The following MPHOSPH6 variants were observed in gnomAD, a reference collection of about 807,000 sequenced individuals.
MPHOSPH6 encodes M-phase phosphoprotein 6.
In MPHOSPH6, 25 loss-of-function variants were observed where a neutral mutation model predicts 21.8. The observed-to-expected ratio is 1.15, with a 90% CI of 0.83 to 1.60. The LOEUF is 1.60. MPHOSPH6 is among the 40% of genes most tolerant of loss of function. The pLI is 0.00. For synonymous variants in MPHOSPH6, 84 were observed against 56.5 expected (o/e 1.49, Z -2.18); for missense variants, 269 against 181.8 (o/e 1.48, Z -2.76).
intron 2 of MPHOSPH6, among the ~76,000 whole-genome samples, chr16:82,153,036 A>G (rs1203400753): frequency 1.3e-5 from 2 of 152,192 alleles, no homozygotes; most frequent in African/African-American, 4.8e-5. Context: ...CTGAGGCAGG[A>G]GAACTGCTCG....
In MPHOSPH6 at chr16:82,163,884, G is replaced by A. The variant is rs1033611095; in HGVS notation, c.164+198C>T. ...TGTAAAAAAGGACAAAATAGTGGCT[G>A]GGAGGGGGAGTAGTAAAAATGTATA... On this transcript the variant is annotated intron_variant, in intron 2 of 4. Coordinates refer to ENST00000258169, the MANE Select transcript of MPHOSPH6 (RefSeq NM_005792.2). 41 of 486,852 alleles carry A rather than the reference G, an allele frequency of 8.4e-5. 1 individual carries two copies. Among genetic ancestry groups the A allele is most frequent in the African/African-American group, 7.7e-4 (37 of 48,062 alleles). The allele number at this position is 486,852 out of a possible 1,614,324, so 30.2% of individuals were successfully genotyped here. A position where few individuals can be genotyped will look rare whatever the true frequency, so the allele number is the denominator to read the frequency against.
At chr16:82,157,907 G>C (rs1906480198) in intron 2 of MPHOSPH6, among the ~76,000 whole-genome samples, 1 of 152,210 alleles carries the variant, frequency 6.6e-6, no homozygotes, top group African/African-American at 2.4e-5. Flanking sequence ...CAGGAGGTCA[G>C]AGTTACTTGC....
intron 1 of MPHOSPH6, among the ~76,000 whole-genome samples, chr16:82,169,646 T>C (rs993788870): frequency 1.3e-5 from 2 of 152,212 alleles, no homozygotes; most frequent in East Asian, 3.8e-4. Context: ...AGAAGTATTA[T>C]CAAAATTAAA....
At chr16:82,167,835 T>C (rs1400247901) in intron 1 of MPHOSPH6, among the ~76,000 whole-genome samples, 1 of 152,196 alleles carries the variant, frequency 6.6e-6, no homozygotes, top group African/African-American at 2.4e-5. Flanking sequence ...CTTCCTGCTG[T>C]GCAGCCTGTT....
chr16:82,159,132 T>TACA, intron 2 of MPHOSPH6, among the ~76,000 whole-genome samples: 1 of 152,190 alleles, frequency 6.6e-6, no homozygotes, highest in African/African-American at 2.4e-5. Context: ...GTGAGGGGGA[T>TACA]TTTCTTTATA....
intron 2 of MPHOSPH6, among the ~76,000 whole-genome samples, chr16:82,156,087 C>A (rs1051906995): frequency 6.6e-6 from 1 of 152,048 alleles, no homozygotes; most frequent in Non-Finnish European, 1.5e-5. Flanking sequence ...GCCAATGATT[C>A]ATTAGACGAG....
At chr16:82,162,279 A>T (rs965220410) in intron 2 of MPHOSPH6, 14 of 152,258 alleles carry the variant, frequency 9.2e-5, no homozygotes, top group Admixed American at 2.0e-4. Flanking sequence ...TTCAGAGCCC[A>T]TGTGCTTAAT....
At chr16:82,162,694 T>TTA (rs928042676) in intron 2 of MPHOSPH6, among the ~76,000 whole-genome samples, 3 of 152,190 alleles carry the variant, frequency 2.0e-5, no homozygotes, top group African/African-American at 7.2e-5. Context: ...ACCCACACCT[T>TTA]GATAGTCTCT....
At chr16:82,148,982 TAAAAG>T in intron 4 of MPHOSPH6, 119 bp from the exon 5 acceptor site, 23 of 1,266,334 alleles carry the variant, frequency 1.8e-5, no homozygotes, top group Non-Finnish European at 2.1e-5. Context: ...AAACTATCAT[TAAAAG>T]AAACCATCTG....
At chr16:82,151,850 C>A (rs1312698747) in intron 2 of MPHOSPH6, among the ~76,000 whole-genome samples, 1 of 152,144 alleles carries the variant, frequency 6.6e-6, no homozygotes, top group African/African-American at 2.4e-5. Context: ...ATCCCCTCAC[C>A]ATATTTTTTT....
chr16:82,167,615 C>G (rs1214657423), intron 1 of MPHOSPH6: 1 of 158,568 alleles, frequency 6.3e-6, no homozygotes, highest in Non-Finnish European at 1.4e-5. Flanking sequence ...TGATGGGAGA[C>G]AATGACAGAT....
Position 82,164,142 on chromosome 16 carries a change from T to C in MPHOSPH6, c.104A>G (p.Glu35Gly). 6.2e-7 allele frequency: 1 copy of C among 1,612,218 alleles called. No homozygotes were observed. Among genetic ancestry groups the C allele is most frequent in the Non-Finnish European group, 8.5e-7 (1 of 1,179,728 alleles). The change falls in exon 2 of 5, where the codon GAA becomes GGA. Residue 35 changes from glutamate (E) to glycine (G), a missense_variant. Coordinates refer to ENST00000258169, the MANE Select transcript of MPHOSPH6 (RefSeq NM_005792.2). Reference protein sequence around the residue: ...SETKKQLEEEEKKIISEEHWY... With the variant: ...SETKKQLEEEGKKIISEEHWY... ...GTGCTCTTCACTAATGATTTTCTTT[T>C]CTTCTTCTTCTAGTTGTTTCTTGGT...
chr16:82,157,288 G>A (rs1396131387), intron 2 of MPHOSPH6, among the ~76,000 whole-genome samples: 1 of 152,070 alleles, frequency 6.6e-6, no homozygotes, highest in Non-Finnish European at 1.5e-5. Context: ...GATATACCGT[G>A]GTGTATCTGT....
chr16:82,149,336 T>A lies in MPHOSPH6; in HGVS notation c.323A>T (p.Asp108Val), dbSNP rs1906188134. ...EEVEDETVEL[D>V]VSDEEMARRY... ...TCTAGCCATCTCTTCATCTGACACA[T>A]CAAGCTCTACTGTTTCATCTTCAAC... The change falls in exon 4 of 5, where the codon GAT becomes GTT. Residue 108 changes from aspartate to valine, a missense_variant. Asp to Val is a radical substitution (Grantham distance 152, BLOSUM62 -3). Transcript: ENST00000258169. 3 of 1,613,402 alleles carry A rather than the reference T, an allele frequency of 1.9e-6. No individual in the cohort carries two copies. Among genetic ancestry groups the A allele is most frequent in the Non-Finnish European group, 1.7e-6 (2 of 1,180,032 alleles).
chr16:82,163,987 A>T, intron 2 of MPHOSPH6, 95 bp downstream of exon 2: 2 of 759,376 alleles, frequency 2.6e-6, no homozygotes, highest in Non-Finnish European at 4.3e-6. Flanking sequence ...AAACAATTTC[A>T]TGGGCTTTAT....
chr16:82,158,876 C>T (rs1906518981), intron 2 of MPHOSPH6, among the ~76,000 whole-genome samples: 1 of 152,190 alleles, frequency 6.6e-6, no homozygotes, highest in African/African-American at 2.4e-5. Context: ...GATGAGTTAA[C>T]ACTGGGAAAA....
At chr16:82,167,347 C>G (rs1012324424) in intron 1 of MPHOSPH6, among the ~76,000 whole-genome samples, 9 of 152,196 alleles carry the variant, frequency 5.9e-5, no homozygotes, top group Admixed American at 5.9e-4. Flanking sequence ...CCTCAACCCT[C>G]TTATACTTGC....
intron 1 of MPHOSPH6, among the ~76,000 whole-genome samples, 179 bp from the exon 2 acceptor site, chr16:82,164,373 C>T (rs1032080235): frequency 1.3e-5 from 2 of 152,198 alleles, no homozygotes; most frequent in Non-Finnish European, 2.9e-5. Context: ...TTACACTAGA[C>T]GATGAGGGCT....
chr16:82,169,164 T>C (rs1906888837), intron 1 of MPHOSPH6, among the ~76,000 whole-genome samples: 2 of 152,340 alleles, frequency 1.3e-5, no homozygotes, highest in East Asian at 1.9e-4. Flanking sequence ...TAGCTTTCCA[T>C]TGCTCACAAA....
Sources: gnomAD v4.1 joint callset for allele counts (sites outside exome capture counted in the v4.1 genomes callset) on GRCh38, gnomAD v4.1.1 for gene constraint, MANE v1.5 for transcripts, NCBI Gene and HGNC (gene_info 2026-07-23, HGNC 2026-07-21) for gene names.